MRPL13: variants seen among roughly 807,000 people sequenced by gnomAD.
The protein encoded by MRPL13 is mitochondrial ribosomal protein L13, also known as large ribosomal subunit protein uL13m.
A neutral mutation model predicts 29.0 loss-of-function variants in MRPL13; 33 were observed. That is an observed-to-expected ratio of 1.14 (90% CI 0.86 to 1.52). The LOEUF (loss-of-function observed/expected upper bound fraction) is 1.52. Among genes scored for constraint, MRPL13 ranks in the 40% most tolerant of loss-of-function variants. The pLI is 0.00. For synonymous variants in MRPL13, 77 were observed against 68.4 expected (o/e 1.13, Z -0.62); for missense variants, 227 against 216.7 (o/e 1.05, Z -0.30).
intron 6 of MRPL13, among the ~76,000 whole-genome samples, chr8:120,411,205 G>A (rs1272361185): frequency 2.0e-5 from 3 of 152,044 alleles, no homozygotes; most frequent in Non-Finnish European, 4.4e-5. Context: ...GGGACTACAG[G>A]TGTGTGCTAA....
At chr8:120,433,513 C>T (rs1051734850) in intron 2 of MRPL13, among the ~76,000 whole-genome samples, 2 of 152,008 alleles carry the variant, frequency 1.3e-5, no homozygotes, top group East Asian at 1.9e-4. Context: ...TAAAGCATCT[C>T]GAGCCACTCA....
intron 6 of MRPL13, among the ~76,000 whole-genome samples, chr8:120,408,713 A>G (rs1195779473): frequency 1.3e-5 from 2 of 152,208 alleles, no homozygotes; most frequent in East Asian, 1.9e-4. Context: ...ATCCTTCTAC[A>G]TTGTCTTTAA....
intron 4 of MRPL13, among the ~76,000 whole-genome samples, chr8:120,424,830 A>AT (rs1218355975): frequency 6.6e-6 from 1 of 152,218 alleles, no homozygotes; most frequent in Admixed American, 6.5e-5. Flanking sequence ...GAACTTTACT[A>AT]TTTTTTCCAG....
chr8:120,411,718 G>A (rs535638327), intron 6 of MRPL13, among the ~76,000 whole-genome samples: 1 of 152,234 alleles, frequency 6.6e-6, no homozygotes, highest in African/African-American at 2.4e-5. Context: ...AGTGTCTAAT[G>A]CATATTCCTG....
intron 5 of MRPL13, chr8:120,415,431 A>T (rs1812792338): frequency 6.6e-6 from 1 of 152,184 alleles, no homozygotes; most frequent in African/African-American, 2.4e-5. Flanking sequence ...CAGCACTTTG[A>T]TCAATTCTTA....
chr8:120,414,464 C>G (rs970102059), intron 5 of MRPL13: 1 of 153,576 alleles, frequency 6.5e-6, no homozygotes, highest in African/African-American at 2.4e-5. Flanking sequence ...AGTGCTCCAA[C>G]TGTGGCCAGA....
At chr8:120,421,388 C>G (rs918483427) in intron 4 of MRPL13, among the ~76,000 whole-genome samples, 4 of 151,742 alleles carry the variant, frequency 2.6e-5, no homozygotes, top group African/African-American at 9.7e-5. Context: ...ACCTATTTAA[C>G]TATTAAATAT....
In MRPL13 at chr8:120,422,016, T is replaced by C. The variant is rs144360829; in HGVS notation, c.307-2078A>G. Reference sequence around the variant, plus strand: ...GTAAGGCTTAAAAACACACTAGTTATGAAAAAAAAATTAAATATTTCCTAA... The same window carrying C: ...GTAAGGCTTAAAAACACACTAGTTACGAAAAAAAAATTAAATATTTCCTAA... On this transcript the variant is annotated intron_variant, in intron 4 of 6. Coordinates refer to ENST00000306185, the MANE Select transcript of MRPL13 (RefSeq NM_014078.6). Among the ~76,000 whole-genome samples the C allele has an allele frequency of 7.0e-3, 1,068 of 151,516 alleles. 16 individuals are homozygous for C. Among genetic ancestry groups the C allele is most frequent in the African/African-American group, 0.024 (993 of 41,478 alleles).
rs762375563 is a variant in MRPL13, at chr8:120,443,311, T to TG, written c.28-4dup. On this transcript the variant is annotated splice_region_variant and splice_polypyrimidine_tract_variant and intron_variant, in intron 1 of 6. Transcript: ENST00000306185. Reference sequence around the variant, plus strand: ...ATTCTAGCAAAAGTGGCCCATTGCTTGGGGGGGAAAAAAAAAAAAAAGAAG... The same window carrying TG: ...ATTCTAGCAAAAGTGGCCCATTGCTTGGGGGGGGAAAAAAAAAAAAAAGAAG... The TG allele has an allele frequency of 1.4e-3, 2,073 of 1,462,920 alleles. 1 individual carries two copies. Among genetic ancestry groups the TG allele is most frequent in the South Asian group, 4.6e-3 (356 of 77,548 alleles). The allele number at this position is 1,462,920 out of a possible 1,614,324, so 90.6% of individuals were successfully genotyped here.
chr8:120,400,963 A>T (rs1209938527), intron 6 of MRPL13, among the ~76,000 whole-genome samples: 1 of 152,130 alleles, frequency 6.6e-6, no homozygotes, highest in Non-Finnish European at 1.5e-5. Flanking sequence ...GAAGAAATTA[A>T]ATCCCTGAAT....
chr8:120,430,241 G>T (rs1004480429), intron 3 of MRPL13, among the ~76,000 whole-genome samples: 1 of 152,068 alleles, frequency 6.6e-6, no homozygotes, highest in African/African-American at 2.4e-5. Flanking sequence ...CAGCCAGGAT[G>T]ACAGAGCAAG....
intron 3 of MRPL13, among the ~76,000 whole-genome samples, chr8:120,428,556 C>T (rs1812959471): frequency 6.6e-6 from 1 of 152,036 alleles, no homozygotes; most frequent in Non-Finnish European, 1.5e-5. Flanking sequence ...AAACAGACAC[C>T]TACAGAATGG....
chr8:120,402,963 C>T (rs973150665), intron 6 of MRPL13, among the ~76,000 whole-genome samples: 4 of 152,138 alleles, frequency 2.6e-5, no homozygotes, highest in African/African-American at 4.8e-5. Flanking sequence ...CATCTCATGC[C>T]AGTCAGAATG....
At chr8:120,423,906 T>G (rs1196392658) in intron 4 of MRPL13, among the ~76,000 whole-genome samples, 5 of 151,970 alleles carry the variant, frequency 3.3e-5, no homozygotes, top group Non-Finnish European at 5.9e-5. Flanking sequence ...AGCTTGTAGA[T>G]TGGGAGGGAG....
rs369103598 is a variant in MRPL13 at position 120,423,738 on chromosome 8, C to T, written c.306+1568G>A. ...GAGAATGTGGCTTGAAGAATGCCAG[C>T]AAGAAGTACTTCAAGGAAAAGGAAA... is the stretch of plus-strand genomic sequence containing the variant. On this transcript the variant is annotated intron_variant, in intron 4 of 6. Coordinates refer to ENST00000306185, the MANE Select transcript of MRPL13 (RefSeq NM_014078.6). 7.9e-4 allele frequency among the ~76,000 whole-genome samples: 120 copies of T among 151,998 alleles called. 1 individual carries two copies. Among genetic ancestry groups the T allele is most frequent in the African/African-American group, 2.7e-3 (113 of 41,482 alleles).
chr8:120,418,867 G>C (rs1166592003), intron 5 of MRPL13, among the ~76,000 whole-genome samples: 1 of 151,852 alleles, frequency 6.6e-6, no homozygotes, highest in Admixed American at 6.6e-5. Flanking sequence ...TTATAGCGAA[G>C]ACAATAAATC....
intron 6 of MRPL13, among the ~76,000 whole-genome samples, chr8:120,409,915 T>G (rs926620140): frequency 6.6e-6 from 1 of 152,162 alleles, no homozygotes. Context: ...ACCTAATGTA[T>G]GCTGAAACTA....
rs185416592 is a variant in MRPL13, at chr8:120,436,831, C to T, written c.152-4708G>A. Among the ~76,000 whole-genome samples, 229 of 152,270 alleles carry T rather than the reference C, an allele frequency of 1.5e-3. 1 individual carries two copies. Among genetic ancestry groups the T allele is most frequent in the Non-Finnish European group, 2.5e-3 (171 of 68,002 alleles). ...ATAGCTATTCTGAATTAGTGATAAA[C>T]AACAAAGTTTGGCTTTGGCCTTTAT... is the stretch of plus-strand genomic sequence containing the variant. On this transcript the variant is annotated intron_variant, in intron 2 of 6. Transcript: ENST00000306185.
At chr8:120,397,768 T>C (rs1466578439) in intron 6 of MRPL13, among the ~76,000 whole-genome samples, 1 of 151,784 alleles carries the variant, frequency 6.6e-6, no homozygotes, top group Non-Finnish European at 1.5e-5. Context: ...TGCAGTTCAT[T>C]TGACACAGCC....
Sources: gnomAD v4.1 joint callset for allele counts (sites outside exome capture counted in the v4.1 genomes callset) on GRCh38, gnomAD v4.1.1 for gene constraint, MANE v1.5 for transcripts, NCBI Gene and HGNC (gene_info 2026-07-23, HGNC 2026-07-21) for gene names.